DYRK1A: variants seen among roughly 807,000 people sequenced by gnomAD.
DYRK1A encodes dual specificity tyrosine-phosphorylation-regulated kinase 1A.
DYRK1A carries 9 observed loss-of-function variants against 79.7 expected under a neutral mutation model. That is an observed-to-expected ratio of 0.11 (90% CI 0.07 to 0.20). The LOEUF (loss-of-function observed/expected upper bound fraction) is 0.20. DYRK1A is among the 10% of genes least tolerant of loss of function. The pLI, the probability that DYRK1A is intolerant of heterozygous loss-of-function variation, is 1.00. For missense variants in DYRK1A, 622 were observed against 956.0 expected (o/e 0.65, Z 4.61); for synonymous variants, 349 against 329.7 (o/e 1.06, Z -0.63).
intron 2 of DYRK1A, among the ~76,000 whole-genome samples, chr21:37,465,228 GA>G (rs1238895052): frequency 6.6e-6 from 1 of 152,068 alleles, no homozygotes; most frequent in Non-Finnish European, 1.5e-5. Flanking sequence ...TACCAGAAGT[GA>G]AAAAGTTTTT....
intron 1 of DYRK1A, among the ~76,000 whole-genome samples, chr21:37,400,439 G>T (rs756174659): frequency 1.3e-5 from 2 of 152,158 alleles, no homozygotes; most frequent in African/African-American, 2.4e-5. Context: ...AAGTAGGAAG[G>T]TTGCTTTTGA....
At chr21:37,404,149 G>A (rs1343028192) in intron 1 of DYRK1A, among the ~76,000 whole-genome samples, 2 of 152,162 alleles carry the variant, frequency 1.3e-5, no homozygotes, top group Non-Finnish European at 2.9e-5. Flanking sequence ...GTGTATATAT[G>A]TATGTATCCA....
rs2053902375 is a variant in DYRK1A, at chr21:37,518,411, A to C, written c.*5880A>C. The C allele has an allele frequency of 6.6e-6, 1 of 152,186 alleles. No homozygotes were observed. The highest frequency in any genetic ancestry group is 1.5e-5 in the Non-Finnish European group (1 of 68,044). The allele number at this position is 152,186 out of a possible 1,614,324, so 9.4% of individuals were successfully genotyped here. A position where few individuals can be genotyped will look rare whatever the true frequency, so the allele number is the denominator to read the frequency against. On this transcript the variant is annotated 3_prime_UTR_variant, in exon 12 of 12. Transcript: ENST00000647188. ...ACTCATCAATTTAAAATGACTGTCCAGCCTTGCTGCACACTAAACTCATCT... is the reference window on the plus strand; with the variant it reads ...ACTCATCAATTTAAAATGACTGTCCCGCCTTGCTGCACACTAAACTCATCT...
chr21:37,488,612 T>C (rs879339752), intron 6 of DYRK1A: 2 of 985,390 alleles, frequency 2.0e-6, no homozygotes, highest in Non-Finnish European at 2.4e-6. Flanking sequence ...TGAACAAATA[T>C]GCTTGTTTGA....
At chr21:37,402,273 G>T (rs1305462963) in intron 1 of DYRK1A, among the ~76,000 whole-genome samples, 1 of 152,118 alleles carries the variant, frequency 6.6e-6, no homozygotes, top group Non-Finnish European at 1.5e-5. Flanking sequence ...GGCATTTCTT[G>T]TGCAGCTCTG....
rs931645336 is a variant in DYRK1A, at chr21:37,505,098, A to C, written c.1213-185A>C. 6.5e-5 allele frequency: 38 copies of C among 583,164 alleles called. No homozygotes were observed. The East Asian group carries it at 1.1e-3, about 17-fold the overall frequency. 36.1% of individuals were successfully genotyped at this position (583,164 alleles called of 1,614,324 possible). A position where few individuals can be genotyped will look rare whatever the true frequency, so the allele number is the denominator to read the frequency against. On this transcript the variant is annotated intron_variant, in intron 9 of 11. Transcript: ENST00000647188. ...ATAGCCATTTTTGGTCTCAGAATTA[A>C]TGTTGAACTGTAACTACCATGCATT...
At chr21:37,449,508 A>G (rs1180074160) in intron 2 of DYRK1A, among the ~76,000 whole-genome samples, 1 of 152,220 alleles carries the variant, frequency 6.6e-6, no homozygotes, top group East Asian at 1.9e-4. Context: ...CAGACGTGGT[A>G]GTGGCACACA....
chr21:37,474,770 C>G (rs935460364), intron 3 of DYRK1A, among the ~76,000 whole-genome samples: 1 of 152,064 alleles, frequency 6.6e-6, no homozygotes, highest in Non-Finnish European at 1.5e-5. Flanking sequence ...AGAAATAGAG[C>G]GAAAGTAGGT....
intron 2 of DYRK1A, chr21:37,456,104 C>T (rs747744845): frequency 3.3e-5 from 5 of 152,188 alleles, no homozygotes; most frequent in African/African-American, 4.8e-5. Flanking sequence ...CTTAACTTAC[C>T]CCTCTGTCTA....
In DYRK1A at chr21:37,526,313, TA is replaced by T. The variant is rs2053967452; in HGVS notation, c.*13787del. On this transcript the variant is annotated 3_prime_UTR_variant, in exon 12 of 12. Coordinates refer to ENST00000647188, the MANE Select transcript of DYRK1A (RefSeq NM_001347721.2). Reference sequence around the variant, plus strand: ...TTTAATAGAGTCTAATAGAATCTTATAAAAATGTATAAATGTGTTTTATGTA... The same window carrying T: ...TTTAATAGAGTCTAATAGAATCTTATAAAATGTATAAATGTGTTTTATGTA... 4 of 152,206 alleles carry T rather than the reference TA, an allele frequency of 2.6e-5. No individual in the cohort carries two copies. The highest frequency in any genetic ancestry group is 2.6e-4 in the Admixed American group (4 of 15,276). 9.4% of individuals were successfully genotyped at this position (152,206 alleles called of 1,614,324 possible). A position where few individuals can be genotyped will look rare whatever the true frequency, so the allele number is the denominator to read the frequency against.
intron 2 of DYRK1A, among the ~76,000 whole-genome samples, chr21:37,457,857 G>A (rs915154814): frequency 6.6e-6 from 1 of 152,178 alleles, no homozygotes. Context: ...CTTGACTGCT[G>A]TTGCTGTGCC....
chr21:37,386,757 G>A lies in DYRK1A; in HGVS notation c.-77+19129G>A, dbSNP rs542954023. ...CACAGTGATGTCTTCAGGGCCCCAG[G>A]TTTTCTCATTTCCCCCTTTAGTCAC... On this transcript the variant is annotated intron_variant, in intron 1 of 11. Coordinates refer to ENST00000647188, the MANE Select transcript of DYRK1A (RefSeq NM_001347721.2). 3.9e-5 allele frequency among the ~76,000 whole-genome samples: 6 copies of A among 152,158 alleles called. No individual in the cohort carries two copies. In the South Asian group the frequency reaches 1.2e-3, roughly 32 times the overall value.
chr21:37,447,680 C>A (rs141506055), intron 2 of DYRK1A, among the ~76,000 whole-genome samples: 2 of 152,152 alleles, frequency 1.3e-5, no homozygotes, highest in African/African-American at 4.8e-5. Context: ...ATTATACTCA[C>A]GGCCATGGTG....
rs1448295610 is a variant in DYRK1A, at chr21:37,440,602, C to CT, written c.10+20221dup. ...TTTTATTTTCATTCTTTTCAGAATG[C>CT]TTTATAATTTGCTGTTTGCTTTCTT... On this transcript the variant is annotated intron_variant, in intron 2 of 11. Transcript: ENST00000647188. 8.5e-5 allele frequency among the ~76,000 whole-genome samples: 13 copies of CT among 152,158 alleles called. No homozygotes were observed. The East Asian group carries it at 2.3e-3, about 27-fold the overall frequency.
chr21:37,475,713 C>T (rs1342262882), intron 3 of DYRK1A, among the ~76,000 whole-genome samples: 2 of 152,158 alleles, frequency 1.3e-5, no homozygotes, highest in Admixed American at 6.5e-5. Flanking sequence ...GCTAAGCACA[C>T]AGCACACACT....
At chr21:37,495,487 GTC>G (rs1369534463) in intron 8 of DYRK1A, among the ~76,000 whole-genome samples, 1 of 152,146 alleles carries the variant, frequency 6.6e-6, no homozygotes, top group Non-Finnish European at 1.5e-5. Context: ...GTGAAACCCT[GTC>G]TCTACTGAAA....
intron 1 of DYRK1A, among the ~76,000 whole-genome samples, chr21:37,413,319 A>G (rs1031746573): frequency 3.3e-5 from 5 of 152,214 alleles, no homozygotes; most frequent in African/African-American, 1.2e-4. Flanking sequence ...AAAATGATAT[A>G]TAATTACATA....
chr21:37,492,940 T>A, intron 7 of DYRK1A, 77 bp from the exon 8 acceptor site: 2 of 1,231,414 alleles, frequency 1.6e-6, no homozygotes, highest in Non-Finnish European at 1.1e-6. Flanking sequence ...TCTGTTAATA[T>A]CAGATCAATG....
chr21:37,379,621 A>T (rs904145487), intron 1 of DYRK1A, among the ~76,000 whole-genome samples: 1 of 152,226 alleles, frequency 6.6e-6, no homozygotes, highest in Admixed American at 6.5e-5. Context: ...TGAGCTAAAA[A>T]ATAGGGCAGT....
Sources: gnomAD v4.1 joint callset for allele counts (sites outside exome capture counted in the v4.1 genomes callset) on GRCh38, gnomAD v4.1.1 for gene constraint, MANE v1.5 for transcripts, NCBI Gene and HGNC (gene_info 2026-07-23, HGNC 2026-07-21) for gene names.